Variants in MLLT3 observed in about 807,000 individuals in gnomAD.
The protein encoded by MLLT3 is MLLT3 super elongation complex subunit.
MLLT3 carries 4 observed loss-of-function variants against 53.2 expected under a neutral mutation model. The observed-to-expected ratio is 0.08, with a 90% CI of 0.04 to 0.17. MLLT3 has a LOEUF of 0.17. MLLT3 is among the 10% of genes least tolerant of loss of function. The pLI, the probability that MLLT3 is intolerant of heterozygous loss-of-function variation, is 1.00. For synonymous variants in MLLT3, 283 were observed against 230.6 expected (o/e 1.23, Z -2.06); for missense variants, 569 against 684.0 (o/e 0.83, Z 1.87).
intron 2 of MLLT3, among the ~76,000 whole-genome samples, chr9:20,541,950 C>G (rs747674380): frequency 1.3e-5 from 2 of 152,170 alleles, no homozygotes; most frequent in Non-Finnish European, 2.9e-5. Flanking sequence ...TATTTTGACC[C>G]CCTCCCATGA....
intron 2 of MLLT3, among the ~76,000 whole-genome samples, chr9:20,525,756 C>A (rs910156822): frequency 6.6e-5 from 10 of 152,080 alleles, no homozygotes; most frequent in African/African-American, 2.4e-4. Flanking sequence ...TCTTTTCAGC[C>A]CTTTTAATGT....
At position 20,615,242 on chromosome 9, in the gene MLLT3, T is replaced by C. The variant is rs117650443; in HGVS notation, c.193+5412A>G. ...GGTCCACGCCTATAGTCTGAGCTGT[T>C]TGGGAAATGGCTTGAGACCAGGAGA... On this transcript the variant is annotated intron_variant, in intron 2 of 10. Transcript: ENST00000380338. Among the ~76,000 whole-genome samples the C allele has an allele frequency of 5.5e-3, 830 of 151,262 alleles. 2 individuals carry two copies. Among genetic ancestry groups the C allele is most frequent in the Admixed American group, 7.5e-3 (114 of 15,198 alleles).
intron 5 of MLLT3, among the ~76,000 whole-genome samples, chr9:20,398,004 T>C (rs1822364278): frequency 6.6e-6 from 1 of 152,200 alleles, no homozygotes; most frequent in Non-Finnish European, 1.5e-5. Context: ...TAGTGTTCAA[T>C]ATAACTCTCT....
At position 20,407,011 on chromosome 9, in the gene MLLT3, G is replaced by C. The variant is rs548514224; in HGVS notation, c.1125+6710C>G. 3.9e-5 allele frequency among the ~76,000 whole-genome samples: 6 copies of C among 152,206 alleles called. No homozygotes were observed. The South Asian group carries it at 1.2e-3, about 32-fold the overall frequency. On this transcript the variant is annotated intron_variant, in intron 5 of 10. Coordinates refer to ENST00000380338, the MANE Select transcript of MLLT3 (RefSeq NM_004529.4). The stretch of plus-strand genomic sequence containing the variant: ...CCTCTGAGAACAATTTCTCAAACTT[G>C]GTTAAATAATTACATAGACACCAAA...
At chr9:20,547,477 C>G (rs1196767732) in intron 2 of MLLT3, among the ~76,000 whole-genome samples, 2 of 151,822 alleles carry the variant, frequency 1.3e-5, no homozygotes, top group African/African-American at 4.8e-5. Flanking sequence ...AACCCCGTCT[C>G]TATTAAAATA....
chr9:20,587,066 A>G (rs1819987859), intron 2 of MLLT3, among the ~76,000 whole-genome samples: 1 of 152,184 alleles, frequency 6.6e-6, no homozygotes, highest in African/African-American at 2.4e-5. Flanking sequence ...AGTACAAAAT[A>G]AAAGACTTGA....
Position 20,433,839 on chromosome 9 carries a change from G to C in MLLT3, c.420+14284C>G, listed in dbSNP as rs113472741. Among the ~76,000 whole-genome samples, 23 of 152,134 alleles carry C rather than the reference G, an allele frequency of 1.5e-4. No homozygotes were observed. In the South Asian group the frequency reaches 2.3e-3, roughly 15 times the overall value. Reference sequence around the variant, plus strand: ...CTATCAAAATAAAGGACAGGGCCAGGCATGGTGGCTCACACCTGTAATCCC... The same window carrying C: ...CTATCAAAATAAAGGACAGGGCCAGCCATGGTGGCTCACACCTGTAATCCC... On this transcript the variant is annotated intron_variant, in intron 4 of 10. Coordinates refer to ENST00000380338, the MANE Select transcript of MLLT3 (RefSeq NM_004529.4).
intron 2 of MLLT3, among the ~76,000 whole-genome samples, chr9:20,557,886 C>T (rs1178605915): frequency 6.6e-6 from 1 of 152,168 alleles, no homozygotes; most frequent in Non-Finnish European, 1.5e-5. Context: ...GGGCTTCATT[C>T]ATTCCTTATC....
At chr9:20,531,613 C>T (rs1309156997) in intron 2 of MLLT3, among the ~76,000 whole-genome samples, 2 of 152,172 alleles carry the variant, frequency 1.3e-5, no homozygotes, top group Non-Finnish European at 2.9e-5. Context: ...TCAACTGTTT[C>T]TATTTCCACA....
At chr9:20,476,321 A>C (rs1423886394) in intron 2 of MLLT3, among the ~76,000 whole-genome samples, 1 of 152,086 alleles carries the variant, frequency 6.6e-6, no homozygotes, top group African/African-American at 2.4e-5. Flanking sequence ...AGTTAGAGTG[A>C]CCCAAATCAG....
In MLLT3 at chr9:20,448,342, C is replaced by T; in HGVS notation, c.277-76G>A. 9 of 1,399,854 alleles carry T rather than the reference C, an allele frequency of 6.4e-6. No homozygotes were observed. The highest frequency in any genetic ancestry group is 7.9e-6 in the Non-Finnish European group (8 of 1,012,030). The allele number at this position is 1,399,854 out of a possible 1,614,324, so 86.7% of individuals were successfully genotyped here. ...AAATTTTAAAAGCAAAAATTTACTC[C>T]TCATAAGAAATAGAAAAGAACTAAG... is the stretch of plus-strand genomic sequence containing the variant. On this transcript the variant is annotated intron_variant, in intron 3 of 10. Transcript: ENST00000380338. This position sits in a 1 kb window ranked among gnomAD's most constrained non-coding sequence, Gnocchi z 4.0.
chr9:20,552,270 T>C (rs1286169434), intron 2 of MLLT3, among the ~76,000 whole-genome samples: 1 of 152,182 alleles, frequency 6.6e-6, no homozygotes, highest in Admixed American at 6.5e-5. Context: ...CGTAATCCTA[T>C]TTAACACACA....
In MLLT3 at chr9:20,346,357, A is replaced by G. The variant is rs1820866962; in HGVS notation, c.*86T>C. 7.3e-7 allele frequency: 1 copy of G among 1,362,096 alleles called. No individual in the cohort carries two copies. The highest frequency in any genetic ancestry group is 1.5e-5 in the African/African-American group (1 of 67,948). 84.4% of individuals were successfully genotyped at this position (1,362,096 alleles called of 1,614,324 possible). Reference sequence around the variant, plus strand: ...TCATTTTGAGTGTTTTCATATAAACAACAAGAACAAAAAATCACAACCAAA... The same window carrying G: ...TCATTTTGAGTGTTTTCATATAAACGACAAGAACAAAAAATCACAACCAAA... On this transcript the variant is annotated 3_prime_UTR_variant, in exon 11 of 11. Transcript: ENST00000380338.
intron 2 of MLLT3, among the ~76,000 whole-genome samples, chr9:20,516,593 C>A (rs962337957): frequency 1.3e-5 from 2 of 152,176 alleles, no homozygotes; most frequent in African/African-American, 4.8e-5. Flanking sequence ...ACATCTATTT[C>A]TTTTTTATAT....
chr9:20,595,914 C>T (rs1587114389), intron 2 of MLLT3, among the ~76,000 whole-genome samples: 1 of 152,166 alleles, frequency 6.6e-6, no homozygotes, highest in East Asian at 1.9e-4. Context: ...CACTAGCTAC[C>T]CATGACTGTT....
chr9:20,588,809 C>G (rs1417145152), intron 2 of MLLT3, among the ~76,000 whole-genome samples: 1 of 152,190 alleles, frequency 6.6e-6, no homozygotes, highest in Non-Finnish European at 1.5e-5. Context: ...TTGACTTCCT[C>G]TTTTCCTAAC....
In MLLT3 at chr9:20,606,704, T is replaced by C. The variant is rs114011243; in HGVS notation, c.193+13950A>G. Among the ~76,000 whole-genome samples the C allele has an allele frequency of 2.7e-3, 405 of 152,170 alleles. 1 individual carries two copies. Among genetic ancestry groups the C allele is most frequent in the East Asian group, 0.014 (73 of 5,184 alleles). The stretch of plus-strand genomic sequence containing the variant: ...GAGAAAACTTTAAGTCTATTTTTTT[T>C]CTCCAAGTAAGCAAATCATACAGGA... On this transcript the variant is annotated intron_variant, in intron 2 of 10. Transcript: ENST00000380338.
rs539245251 is a variant in MLLT3 at position 20,344,560 on chromosome 9, C to T, written c.*1883G>A. On this transcript the variant is annotated 3_prime_UTR_variant, in exon 11 of 11. Coordinates refer to ENST00000380338, the MANE Select transcript of MLLT3 (RefSeq NM_004529.4). ...GACAATACAACAAATGCTTCAAGTA[C>T]GGTTCATGCCAATCGTCATTAAGAA... is the stretch of plus-strand genomic sequence containing the variant. 18 of 214,248 alleles carry T rather than the reference C, an allele frequency of 8.4e-5. No homozygotes were observed. Among genetic ancestry groups the T allele is most frequent in the Non-Finnish European group, 1.0e-4 (11 of 106,038 alleles). The allele number at this position is 214,248 out of a possible 1,614,324, so 13.3% of individuals were successfully genotyped here. A position where few individuals can be genotyped will look rare whatever the true frequency, so the allele number is the denominator to read the frequency against.
intron 2 of MLLT3, among the ~76,000 whole-genome samples, chr9:20,518,301 G>A (rs565705355): frequency 3.3e-5 from 5 of 152,198 alleles, no homozygotes; most frequent in East Asian, 3.9e-4. Context: ...AGCCAAGATC[G>A]CGCCATTGCA....
Sources: allele counts gnomAD v4.1 joint callset (sites outside exome capture counted in the v4.1 genomes callset), GRCh38; gene constraint gnomAD v4.1.1; non-coding constraint Gnocchi (gnomAD v3.1); transcripts MANE v1.5; gene names NCBI Gene and HGNC (gene_info 2026-07-23, HGNC 2026-07-21).